NALF1: variants seen among roughly 807,000 people sequenced by gnomAD.
The protein encoded by NALF1 is family with sequence similarity 155 member A.
A neutral mutation model predicts 48.4 loss-of-function variants in NALF1; 3 were observed. The observed-to-expected ratio is 0.06, with a 90% CI of 0.03 to 0.16. The LOEUF is 0.16. Among genes scored for constraint, NALF1 ranks in the 10% least tolerant of loss-of-function variants. The probability of loss-of-function intolerance (pLI) is 1.00; values close to 1 mark genes in which losing one functional copy is unlikely to be tolerated. For missense variants in NALF1, 526 were observed against 571.5 expected, an observed-to-expected ratio of 0.92 and a Z score of 0.81; for synonymous variants, 262 against 245.7, an observed-to-expected ratio of 1.07 and a Z score of -0.62.
At chr13:107,181,373 T>C (rs1879056728) in intron 2 of NALF1, among the ~76,000 whole-genome samples, 1 of 151,582 alleles carries the variant, frequency 6.6e-6, no homozygotes, top group South Asian at 2.1e-4. Flanking sequence ...CTTACTGATC[T>C]AAATTTCCAT....
intron 1 of NALF1, among the ~76,000 whole-genome samples, chr13:107,827,989 C>T (rs1031087381): frequency 6.6e-6 from 1 of 152,122 alleles, no homozygotes. Flanking sequence ...CGGTAGGAAG[C>T]GTTTTGTCCC....
At chr13:107,494,620 G>A (rs1875264115) in intron 1 of NALF1, among the ~76,000 whole-genome samples, 1 of 152,178 alleles carries the variant, frequency 6.6e-6, no homozygotes, top group Non-Finnish European at 1.5e-5. Context: ...GGAACCATGA[G>A]TCTTGCAGTC....
intron 1 of NALF1, among the ~76,000 whole-genome samples, chr13:107,364,877 C>T (rs1883124234): frequency 6.6e-6 from 1 of 151,686 alleles, no homozygotes; most frequent in African/African-American, 2.4e-5. Context: ...CTGTGAACAA[C>T]TTCTTTTTCT....
At chr13:107,502,606 C>G (rs879037834) in intron 1 of NALF1, among the ~76,000 whole-genome samples, 1 of 152,108 alleles carries the variant, frequency 6.6e-6, no homozygotes, top group Middle Eastern at 3.2e-3. Flanking sequence ...TGGATGCATC[C>G]CTACCTTTGA....
intron 1 of NALF1, among the ~76,000 whole-genome samples, chr13:107,283,738 C>A (rs1881435390): frequency 6.6e-6 from 1 of 151,858 alleles, no homozygotes; most frequent in Non-Finnish European, 1.5e-5. Flanking sequence ...CGGTTCATTG[C>A]AAACTCCACC....
intron 1 of NALF1, among the ~76,000 whole-genome samples, chr13:107,256,474 A>G (rs1452200692): frequency 1.3e-5 from 2 of 152,248 alleles, no homozygotes; most frequent in Non-Finnish European, 2.9e-5. Context: ...ACATTAAATT[A>G]AAAAGTGCTT....
At chr13:107,638,719 G>C (rs1432453119) in intron 1 of NALF1, among the ~76,000 whole-genome samples, 1 of 152,148 alleles carries the variant, frequency 6.6e-6, no homozygotes, top group Non-Finnish European at 1.5e-5. Flanking sequence ...GCTGGTACCT[G>C]AATCATTCAG....
intron 1 of NALF1, among the ~76,000 whole-genome samples, chr13:107,627,146 T>C (rs1011973927): frequency 6.6e-6 from 1 of 152,056 alleles, no homozygotes; most frequent in African/African-American, 2.4e-5. Context: ...CCAATTGATT[T>C]AGATGTCACT....
At chr13:107,313,855 A>T (rs1882092026) in intron 1 of NALF1, among the ~76,000 whole-genome samples, 1 of 152,064 alleles carries the variant, frequency 6.6e-6, no homozygotes, top group South Asian at 2.1e-4. Context: ...AGACCGAACC[A>T]ATGTACATCT....
chr13:107,388,405 G>A lies in NALF1; in HGVS notation c.916-177650C>T, dbSNP rs528613441. On this transcript the variant is annotated intron_variant, in intron 1 of 2. Coordinates refer to ENST00000375915, the MANE Select transcript of NALF1 (RefSeq NM_001080396.3). ...GAAACTGTAAAAGTAGTGTGGCCTGGGGAGCTATGCTGGTGCATAAATCTG... is the reference window on the plus strand; with the variant it reads ...GAAACTGTAAAAGTAGTGTGGCCTGAGGAGCTATGCTGGTGCATAAATCTG... 2.6e-5 allele frequency among the ~76,000 whole-genome samples: 4 copies of A among 152,240 alleles called. No individual in the cohort carries two copies. The South Asian group carries it at 8.3e-4, about 32-fold the overall frequency.
At chr13:107,272,855 G>T (rs1413106044) in intron 1 of NALF1, among the ~76,000 whole-genome samples, 1 of 152,128 alleles carries the variant, frequency 6.6e-6, no homozygotes, top group African/African-American at 2.4e-5. Context: ...TAAAACTAAG[G>T]AAAGTCGGAG....
chr13:107,172,371 G>A (rs921956808), intron 2 of NALF1, among the ~76,000 whole-genome samples: 1 of 152,116 alleles, frequency 6.6e-6, no homozygotes, highest in African/African-American at 2.4e-5. Flanking sequence ...TTCCCAATAT[G>A]TAGCAGAATG....
intron 2 of NALF1, among the ~76,000 whole-genome samples, chr13:107,204,116 AAGCTCTCCCTGCTCTCCAACG>A: frequency 6.9e-6 from 1 of 145,700 alleles, no homozygotes. Flanking sequence ...GGGCGCCCAC[AAGCTCTCCCTGCTCTCCAACG>A]AGCATCACCC....
chr13:107,687,133 T>C (rs1269755439), intron 1 of NALF1, among the ~76,000 whole-genome samples: 2 of 152,128 alleles, frequency 1.3e-5, no homozygotes, highest in African/African-American at 4.8e-5. Context: ...AAAAATGAAA[T>C]TATGTCCTTT....
chr13:107,373,623 A>C (rs1178452281), intron 1 of NALF1, among the ~76,000 whole-genome samples: 1 of 152,218 alleles, frequency 6.6e-6, no homozygotes, highest in Admixed American at 6.5e-5. Context: ...GGGCTACTCC[A>C]TCTGATTGCA....
chr13:107,373,833 G>A (rs961744216), intron 1 of NALF1, among the ~76,000 whole-genome samples: 3 of 152,032 alleles, frequency 2.0e-5, no homozygotes, highest in South Asian at 2.1e-4. Flanking sequence ...AAATCTGGCC[G>A]AGCATGGGAG....
At chr13:107,557,495 T>A (rs765398959) in intron 1 of NALF1, among the ~76,000 whole-genome samples, 3 of 152,038 alleles carry the variant, frequency 2.0e-5, no homozygotes, top group Non-Finnish European at 1.5e-5. Context: ...AGGTTTGGCC[T>A]ACTAACAACA....
chr13:107,740,092 C>T (rs1008402145), intron 1 of NALF1, among the ~76,000 whole-genome samples: 11 of 152,126 alleles, frequency 7.2e-5, no homozygotes, highest in African/African-American at 2.4e-4. Flanking sequence ...ATCCCTCTCC[C>T]CCAGTCTGTG....
intron 1 of NALF1, among the ~76,000 whole-genome samples, chr13:107,358,554 C>T (rs960393801): frequency 2.6e-5 from 4 of 152,086 alleles, no homozygotes; most frequent in Non-Finnish European, 4.4e-5. Context: ...GAACACTAGG[C>T]CTCATTGTGT....
Sources: allele counts gnomAD v4.1 joint callset (sites outside exome capture counted in the v4.1 genomes callset), GRCh38; gene constraint gnomAD v4.1.1; transcripts MANE v1.5; gene names NCBI Gene and HGNC (gene_info 2026-07-23, HGNC 2026-07-21).